ATP13A4: variants seen among roughly 807,000 people sequenced by gnomAD.
The protein encoded by ATP13A4 is probable cation-transporting ATPase 13A4.
A neutral mutation model predicts 142.5 loss-of-function variants in ATP13A4; 114 were observed. The ratio of observed to expected loss-of-function variants is 0.80; its 90% confidence interval spans 0.69 to 0.93. The LOEUF is 0.93. Among genes scored for constraint, ATP13A4 ranks in the 40% least tolerant of loss-of-function variants. The pLI is 0.00. For missense variants in ATP13A4, 1,392 were observed against 1,454.0 expected, an observed-to-expected ratio of 0.96 and a Z score of 0.69; for synonymous variants, 488 against 514.8, an observed-to-expected ratio of 0.95 and a Z score of 0.70.
At chr3:193,442,612 G>T in intron 18 of ATP13A4, 56 bp from the exon 19 acceptor site, 1 of 1,542,262 alleles carries the variant, frequency 6.5e-7, no homozygotes, top group South Asian at 1.1e-5. Context: ...ATTAATTCAT[G>T]CAGAGCCTTG....
chr3:193,437,352 G>A (rs1289619372), intron 23 of ATP13A4, among the ~76,000 whole-genome samples: 2 of 152,000 alleles, frequency 1.3e-5, no homozygotes, highest in Non-Finnish European at 2.9e-5. Context: ...ATCAAAATCA[G>A]TAGGTATCAT....
intron 26 of ATP13A4, among the ~76,000 whole-genome samples, 182 bp from the exon 27 acceptor site, chr3:193,412,553 A>T (rs1274121980): frequency 7.3e-6 from 1 of 136,452 alleles, no homozygotes. Context: ...ACACACACAC[A>T]CTGAAAAATA....
intron 25 of ATP13A4, among the ~76,000 whole-genome samples, chr3:193,425,034 A>C (rs11914745): frequency 0.72 from 106,976 of 147,620 alleles, 40,318 homozygotes; most frequent in Non-Finnish European, 0.76. Context: ...AAAAAATGGA[A>C]AAAATACCTG....
intron 1 of ATP13A4, among the ~76,000 whole-genome samples, chr3:193,524,738 G>A (rs1210787127): frequency 6.6e-6 from 1 of 152,136 alleles, no homozygotes; most frequent in Non-Finnish European, 1.5e-5. Context: ...TCACAAAACT[G>A]TTATGAGAAT....
chr3:193,502,841 A>G (rs1434472762), intron 2 of ATP13A4, among the ~76,000 whole-genome samples: 1 of 152,200 alleles, frequency 6.6e-6, no homozygotes, highest in Non-Finnish European at 1.5e-5. Context: ...AGGAATCTGG[A>G]TATGAAGATG....
intron 1 of ATP13A4, among the ~76,000 whole-genome samples, chr3:193,535,312 G>T (rs1052011568): frequency 2.6e-5 from 4 of 151,982 alleles, no homozygotes; most frequent in East Asian, 3.9e-4. Flanking sequence ...TAATTTAAAA[G>T]AATTAATTAA....
At chr3:193,405,790 G>C (rs767111751) in intron 29 of ATP13A4, among the ~76,000 whole-genome samples, 44 of 152,080 alleles carry the variant, frequency 2.9e-4, no homozygotes, top group Non-Finnish European at 7.4e-5. Context: ...GATACATGAA[G>C]AGGATACTAC....
At position 193,408,012 on chromosome 3, in the gene ATP13A4, C is replaced by T. The variant is rs953259303; in HGVS notation, c.3298-619G>A. On this transcript the variant is annotated intron_variant, in intron 28 of 29. Coordinates refer to ENST00000342695, the MANE Select transcript of ATP13A4 (RefSeq NM_032279.4). ...GAAATCAAGCTTGTCATGACCTGTCCCTTTGCCCATTTTCTCTGTGTCTTC... is the reference window on the plus strand; with the variant it reads ...GAAATCAAGCTTGTCATGACCTGTCTCTTTGCCCATTTTCTCTGTGTCTTC... Among the ~76,000 whole-genome samples the T allele has an allele frequency of 2.6e-5, 4 of 152,252 alleles. No homozygotes were observed. The East Asian group carries it at 7.7e-4, about 29-fold the overall frequency.
At chr3:193,484,200 C>T (rs536182685) in intron 7 of ATP13A4, among the ~76,000 whole-genome samples, 195 bp from the exon 8 acceptor site, 2 of 152,144 alleles carry the variant, frequency 1.3e-5, no homozygotes, top group African/African-American at 4.8e-5. Flanking sequence ...CTTCACCCAG[C>T]AATAAGTATG....
At chr3:193,426,853 T>C (rs183874317) in intron 25 of ATP13A4, among the ~76,000 whole-genome samples, 50 of 151,924 alleles carry the variant, frequency 3.3e-4, no homozygotes, top group South Asian at 2.7e-3. Context: ...AAAAAATGGA[T>C]CAATGACCTA....
At position 193,406,052 on chromosome 3, in the gene ATP13A4, G is replaced by T. The variant is rs568860039; in HGVS notation, c.3378+1261C>A. Among the ~76,000 whole-genome samples, 58 of 152,274 alleles carry T rather than the reference G, an allele frequency of 3.8e-4. 1 individual carries two copies. The highest frequency in any genetic ancestry group is 1.2e-3 in the East Asian group (6 of 5,170). On this transcript the variant is annotated intron_variant, in intron 29 of 29. Coordinates refer to ENST00000342695, the MANE Select transcript of ATP13A4 (RefSeq NM_032279.4). Reference sequence around the variant, plus strand: ...TTCTCAAAGTGTGATCCCTGAACTAGTCTCATCAGAATCCCCTGACAACCT... The same window carrying T: ...TTCTCAAAGTGTGATCCCTGAACTATTCTCATCAGAATCCCCTGACAACCT...
intron 2 of ATP13A4, among the ~76,000 whole-genome samples, chr3:193,511,520 T>A (rs79313866): frequency 0.014 from 2,070 of 152,312 alleles, 32 homozygotes; most frequent in East Asian, 0.07. Context: ...CCATTAGATA[T>A]GGGTGCACCT....
intron 1 of ATP13A4, among the ~76,000 whole-genome samples, chr3:193,526,907 G>A (rs148543221): frequency 8.6e-4 from 131 of 151,992 alleles, no homozygotes; most frequent in African/African-American, 2.9e-3. Context: ...TTATTAAATC[G>A]GTTGCATATA....
chr3:193,407,056 T>A (rs1396441191), intron 29 of ATP13A4, among the ~76,000 whole-genome samples: 1 of 152,146 alleles, frequency 6.6e-6, no homozygotes, highest in Non-Finnish European at 1.5e-5. Context: ...GGTCTTTATT[T>A]GGAAATTGTA....
In ATP13A4 at chr3:193,568,506, C is replaced by T. The variant is rs143795841; in HGVS notation, n.291+13201G>A. On this transcript the variant is annotated intron_variant and non_coding_transcript_variant, in intron 2 of 3. Transcript: ENST00000489140. ...CAGGCTCTAGAATGGGCTAGGAGAG[C>T]ATGTGCGAGGCTGTGAAGGTTGTTC... 2.0e-5 allele frequency among the ~76,000 whole-genome samples: 3 copies of T among 152,270 alleles called. No individual in the cohort carries two copies. In the East Asian group the frequency reaches 5.8e-4, roughly 29 times the overall value.
At position 193,467,439 on chromosome 3, in the gene ATP13A4, A is replaced by C; in HGVS notation, c.991T>G (p.Ser331Ala). 1 of 1,613,976 alleles carries C rather than the reference A, an allele frequency of 6.2e-7. No homozygotes were observed. The highest frequency in any genetic ancestry group is 8.5e-7 in the Non-Finnish European group (1 of 1,180,014). ...TCACTCTGTGTTTTCCAGGGCACAG[A>C]GCTATCCATCTTGGGTAACGGAGTT... ...TKTPLPKMDS[S>A]VPWKTQSEAD... is the part of the protein sequence containing the mutation. Residue 331 changes from serine to alanine, a missense_variant, in exon 10 of 30, where the codon TCT becomes GCT. By Grantham distance (99) the Ser-to-Ala change is moderately conservative. Coordinates refer to ENST00000342695, the MANE Select transcript of ATP13A4 (RefSeq NM_032279.4).
At chr3:193,418,046 C>T (rs1478917016) in intron 25 of ATP13A4, among the ~76,000 whole-genome samples, 28 of 127,212 alleles carry the variant, frequency 2.2e-4, no homozygotes, top group Non-Finnish European at 2.9e-4. Context: ...GGCGTGAACC[C>T]GGGAGGCAGA....
At chr3:193,406,763 G>A (rs1714519332) in intron 29 of ATP13A4, among the ~76,000 whole-genome samples, 1 of 152,188 alleles carries the variant, frequency 6.6e-6, no homozygotes, top group Non-Finnish European at 1.5e-5. Flanking sequence ...GCCACATATT[G>A]TATGGTTTCA....
intron 25 of ATP13A4, among the ~76,000 whole-genome samples, chr3:193,426,941 T>G (rs979334315): frequency 6.6e-6 from 1 of 151,950 alleles, no homozygotes. Context: ...TGGCATTGGA[T>G]TCTTAGATAT....
Sources: allele counts gnomAD v4.1 joint callset (sites outside exome capture counted in the v4.1 genomes callset), GRCh38; gene constraint gnomAD v4.1.1; transcripts MANE v1.5; gene names NCBI Gene and HGNC (gene_info 2026-07-23, HGNC 2026-07-21).